Variants in SI observed in about 807,000 individuals in gnomAD.
The protein encoded by SI is sucrase-isomaltase, also known as sucrase-isomaltase, intestinal.
SI carries 235 observed loss-of-function variants against 253.3 expected under a neutral mutation model. That is an observed-to-expected ratio of 0.93 (90% CI 0.83 to 1.03). The LOEUF (loss-of-function observed/expected upper bound fraction) is 1.03, where lower values mean the gene tolerates loss of function less well. Ranked by LOEUF, SI falls within the 50% of genes least tolerant of loss-of-function variation. The pLI, the probability that SI is intolerant of heterozygous loss-of-function variation, is 0.00. For missense variants in SI, 2,442 were observed against 2,211.1 expected, an observed-to-expected ratio of 1.10 and a Z score of -2.09; for synonymous variants, 819 against 712.0, an observed-to-expected ratio of 1.15 and a Z score of -2.39.
At chr3:165,002,679 T>C (rs947460526) in intron 37 of SI, among the ~76,000 whole-genome samples, 5 of 151,774 alleles carry the variant, frequency 3.3e-5, no homozygotes. Context: ...TTATTTATAG[T>C]GTTTTTTTAC....
intron 13 of SI, among the ~76,000 whole-genome samples, chr3:165,053,836 C>A (rs891360678): frequency 1.2e-4 from 18 of 152,026 alleles, no homozygotes; most frequent in African/African-American, 3.6e-4. Flanking sequence ...AAGAAACTTT[C>A]AATATAGGTT....
intron 36 of SI, among the ~76,000 whole-genome samples, 173 bp downstream of exon 36, chr3:165,007,738 G>A (rs375527261): frequency 2.0e-5 from 3 of 150,382 alleles, no homozygotes; most frequent in African/African-American, 7.3e-5. Flanking sequence ...AATTGGGTGT[G>A]TGAATCCTAT....
At chr3:165,087,750 A>C in the SI span, among the ~76,000 whole-genome samples, 2 of 152,166 alleles carry the variant, frequency 1.3e-5, no homozygotes, top group Non-Finnish European at 2.9e-5. Flanking sequence ...ATTTATATTA[A>C]TTATCCAACT....
In SI at chr3:164,982,502, C is replaced by T. The variant is rs58103898; in HGVS notation, c.5248-92G>A. ...ATGTCGGTTAACCAAAAATGTATTTCGTAGTATAATAAATTGTTTATTTGT... is the reference window on the plus strand; with the variant it reads ...ATGTCGGTTAACCAAAAATGTATTTTGTAGTATAATAAATTGTTTATTTGT... On this transcript the variant is annotated intron_variant, in intron 46 of 47. Coordinates refer to ENST00000264382, the MANE Select transcript of SI (RefSeq NM_001041.4). 8,359 of 880,296 alleles carry T rather than the reference C, an allele frequency of 9.5e-3. 454 individuals carry two copies. The African/African-American group carries it at 0.12, about 13-fold the overall frequency. 54.5% of individuals were successfully genotyped at this position (880,296 alleles called of 1,614,324 possible).
chr3:165,023,476 C>A, intron 26 of SI, 94 bp downstream of exon 26: 1 of 897,064 alleles, frequency 1.1e-6, no homozygotes, highest in Middle Eastern at 3.2e-4. Flanking sequence ...CTGTTAATAA[C>A]CTTTAATATT....
chr3:165,024,817 C>T lies in SI; in HGVS notation c.2893-1041G>A, dbSNP rs1446193211. On this transcript the variant is annotated intron_variant, in intron 25 of 47. Transcript: ENST00000264382. ...TGCTTTCTTTACAGCAAAACATACT[C>T]ACTATCTCTAATTTGTCCCTTGATT... 4.0e-5 allele frequency among the ~76,000 whole-genome samples: 6 copies of T among 151,130 alleles called. No individual in the cohort carries two copies. In the Admixed American group the frequency reaches 4.0e-4, roughly 10 times the overall value.
intron 25 of SI, 97 bp downstream of exon 25, chr3:165,030,615 T>C (rs1712177398): frequency 5.5e-6 from 7 of 1,281,212 alleles, no homozygotes; most frequent in Non-Finnish European, 7.9e-6. Flanking sequence ...TTGAATTTAG[T>C]TTATATGCTG....
In SI at chr3:165,074,514, A is replaced by G; in HGVS notation, c.255+17T>C. ...TGTATATATTCATTAAAAATATTAA[A>G]GACTTTTGCTGCAGACCTCTGTTGG... On this transcript the variant is annotated intron_variant, in intron 3 of 47. Coordinates refer to ENST00000264382, the MANE Select transcript of SI (RefSeq NM_001041.4). 6.4e-7 allele frequency: 1 copy of G among 1,560,476 alleles called. No individual in the cohort carries two copies. Among genetic ancestry groups the G allele is most frequent in the Non-Finnish European group, 8.7e-7 (1 of 1,142,976 alleles).
At chr3:165,041,344 AT>A (rs905221920) in intron 17 of SI, among the ~76,000 whole-genome samples, 8 of 150,824 alleles carry the variant, frequency 5.3e-5, no homozygotes, top group South Asian at 4.2e-4. Flanking sequence ...GAAAAAATAA[AT>A]TTTTTTTTTA....
chr3:164,986,482 C>T (rs956932096), intron 45 of SI, among the ~76,000 whole-genome samples: 6 of 152,168 alleles, frequency 3.9e-5, no homozygotes, highest in Non-Finnish European at 8.8e-5. Flanking sequence ...ACAGGCCTTA[C>T]TAGATTTCCT....
In SI at chr3:165,032,549, G is replaced by A; in HGVS notation, c.2709C>T (p.Ser903=). The change falls in exon 24 of 48, where the codon TCC becomes TCT. Residue 903 remains serine, a synonymous_variant. Transcript: ENST00000264382. ...GGTTAGAAGCATCATAAGTGAAATT[G>A]GAATGAGCGTTCATTGGTTGATTAT... ...AENNQPMNAH[S]NFTYDASNQV... 1 of 1,607,972 alleles carries A rather than the reference G, an allele frequency of 6.2e-7. No individual in the cohort carries two copies. Among genetic ancestry groups the A allele is most frequent in the Non-Finnish European group, 8.5e-7 (1 of 1,175,944 alleles).
intron 38 of SI, among the ~76,000 whole-genome samples, chr3:164,997,549 C>T (rs908021400): frequency 2.0e-5 from 3 of 151,078 alleles, no homozygotes; most frequent in Non-Finnish European, 3.0e-5. Context: ...AGGTAACTTG[C>T]TTGTCACAGG....
rs1352268328 is a variant in SI, at chr3:165,009,376, G to A, written c.4082C>T (p.Ala1361Val). Residue 1361 changes from alanine (A) to valine (V), a missense_variant, in exon 35 of 48, where the codon GCT becomes GTT. By Grantham distance (64) the Ala-to-Val change is moderately conservative. Coordinates refer to ENST00000264382, the MANE Select transcript of SI (RefSeq NM_001041.4). ...EAVNASRAHV[A>V]FPDFFRTSTA... The stretch of plus-strand genomic sequence containing the variant: ...GGAAGTCCTGAAGAAATCTGGGAAA[G>A]CTACATGAGCTCTGGAAGCCTGTAA... The A allele has an allele frequency of 6.2e-7, 1 of 1,613,116 alleles. No individual in the cohort carries two copies. The highest frequency in any genetic ancestry group is 1.7e-5 in the Admixed American group (1 of 60,000).
the SI span, among the ~76,000 whole-genome samples, chr3:165,084,649 T>TCCTA: frequency 2.0e-5 from 3 of 151,964 alleles, no homozygotes; most frequent in African/African-American, 2.4e-5. Flanking sequence ...AATATTCCAG[T>TCCTA]CCTAAAATAT....
chr3:165,013,067 G>C, intron 33 of SI, 25 bp from the exon 34 acceptor site: 3 of 1,488,170 alleles, frequency 2.0e-6, no homozygotes, highest in Non-Finnish European at 2.8e-6. Flanking sequence ...ACATGGAAAA[G>C]CTGATCAAAA....
At chr3:165,059,395 A>T (rs891289720) in intron 10 of SI, 96 bp from the exon 11 acceptor site, 1 of 1,197,316 alleles carries the variant, frequency 8.4e-7, no homozygotes, top group African/African-American at 1.5e-5. Flanking sequence ...TATAAACATA[A>T]CCCTTAAAAA....
intron 17 of SI, 130 bp downstream of exon 17, chr3:165,042,929 A>G: frequency 1.4e-6 from 1 of 712,680 alleles, no homozygotes; most frequent in Non-Finnish European, 2.5e-6. Flanking sequence ...TGAGAGAGGG[A>G]CTTCTAACAA....
chr3:165,014,387 T>C (rs951657677), intron 33 of SI, among the ~76,000 whole-genome samples: 2 of 152,238 alleles, frequency 1.3e-5, no homozygotes, highest in South Asian at 2.1e-4. Flanking sequence ...TAGCTGGGAC[T>C]ACAGGCACCC....
At chr3:165,001,171 A>G (rs1185008755) in intron 37 of SI, among the ~76,000 whole-genome samples, 1 of 151,368 alleles carries the variant, frequency 6.6e-6, no homozygotes, top group African/African-American at 2.4e-5. Context: ...AAATCAATTT[A>G]TAAACATTTT....
Sources: allele counts gnomAD v4.1 joint callset (sites outside exome capture counted in the v4.1 genomes callset), GRCh38; gene constraint gnomAD v4.1.1; transcripts MANE v1.5; gene names NCBI Gene and HGNC (gene_info 2026-07-23, HGNC 2026-07-21).